The following CLTC variants were observed in gnomAD, a reference collection of about 807,000 sequenced individuals.
CLTC encodes the protein clathrin heavy chain.
In CLTC, 16 loss-of-function variants were observed where a neutral mutation model predicts 195.8. The observed-to-expected ratio is 0.08, with a 90% confidence interval of 0.06 to 0.12. The LOEUF (loss-of-function observed/expected upper bound fraction) is 0.12. Among genes scored for constraint, CLTC ranks in the 10% least tolerant of loss-of-function variants. The pLI is 1.00. For missense variants in CLTC, 796 were observed against 2,027.0 expected (o/e 0.39, Z 11.66); for synonymous variants, 667 against 689.4 (o/e 0.97, Z 0.51).
intron 2 of CLTC, chr17:59,646,130 T>G (rs1256141679): frequency 4.0e-6 from 1 of 251,098 alleles, no homozygotes; most frequent in Non-Finnish European, 6.3e-6. Flanking sequence ...TGTCCCTATA[T>G]GTCTGCACTA....
intron 9 of CLTC, 87 bp downstream of exon 9, chr17:59,664,081 T>C: frequency 9.0e-7 from 1 of 1,107,890 alleles, no homozygotes; most frequent in Non-Finnish European, 1.3e-6. Flanking sequence ...ATTACTTTAA[T>C]AGTGAATTTC....
intron 1 of CLTC, 68 bp downstream of exon 1, chr17:59,620,241 CTG>C (rs2031324121): frequency 6.4e-7 from 1 of 1,563,436 alleles, no homozygotes; most frequent in African/African-American, 1.4e-5. Context: ...ACGCTGGAGT[CTG>C]GGCCCGAGCA....
At chr17:59,658,752 C>T (rs1225184188) in intron 6 of CLTC, 1 of 152,168 alleles carries the variant, frequency 6.6e-6, no homozygotes, top group African/African-American at 2.4e-5. Context: ...CTAGAACAGT[C>T]TTTAAGTATG....
chr17:59,636,088 C>T lies in CLTC; in HGVS notation c.43-8188C>T, dbSNP rs538439317. On this transcript the variant is annotated intron_variant, in intron 1 of 31. Transcript: ENST00000269122. ...GGTGGAGGTTGCTGTGAGCCGAGAT[C>T]GTGCCATTGCACTCCAGCCTGGGCA... 4.6e-5 allele frequency among the ~76,000 whole-genome samples: 7 copies of T among 151,306 alleles called. No homozygotes were observed. In the East Asian group the frequency reaches 1.2e-3, roughly 25 times the overall value.
chr17:59,682,615 C>CTT lies in CLTC; in HGVS notation c.3601-6_3601-5dup. On this transcript the variant is annotated splice_polypyrimidine_tract_variant and intron_variant, in intron 22 of 31. Coordinates refer to ENST00000269122, the MANE Select transcript of CLTC (RefSeq NM_004859.4). This position sits in a 1 kb window ranked among gnomAD's most constrained non-coding sequence, Gnocchi z 6.8. ...TAATATCTTGCTGAATGTGGGTTAC[C>CTT]TTTTTTTTTCCAGGTTGGTGACCGT... is the stretch of plus-strand genomic sequence containing the variant. The CTT allele has an allele frequency of 6.2e-7, 1 of 1,601,708 alleles. No homozygotes were observed.
intron 30 of CLTC, among the ~76,000 whole-genome samples, chr17:59,686,694 T>G (rs79573891): frequency 1.3e-5 from 2 of 152,350 alleles, no homozygotes; most frequent in East Asian, 3.9e-4. Flanking sequence ...TAGATGAGAA[T>G]AGCTTCTTAA....
chr17:59,674,593 TAAAG>T (rs1382887848), intron 15 of CLTC, 104 bp from the exon 16 acceptor site: 7 of 1,054,668 alleles, frequency 6.6e-6, no homozygotes, highest in African/African-American at 4.9e-5. Flanking sequence ...AAACTGAACT[TAAAG>T]AAAAAAAAAC....
chr17:59,628,958 G>A (rs1220486834), intron 1 of CLTC, among the ~76,000 whole-genome samples: 1 of 151,982 alleles, frequency 6.6e-6, no homozygotes, highest in African/African-American at 2.4e-5. Context: ...CATCGTGCCT[G>A]GCCAACTTGC....
chr17:59,694,093 T>G lies in CLTC; in HGVS notation c.*241T>G, dbSNP rs970421675. ...GTTTCAATGTTTTATTCACTTGGGC[T>G]TTTTTTCTTCCCCCTCTTTCTTTAA... On this transcript the variant is annotated 3_prime_UTR_variant, in exon 32 of 32. Coordinates refer to ENST00000269122, the MANE Select transcript of CLTC (RefSeq NM_004859.4). The G allele has an allele frequency of 6.2e-6, 2 of 324,778 alleles. No homozygotes were observed. The highest frequency in any genetic ancestry group is 2.1e-5 in the African/African-American group (1 of 46,868). 20.1% of individuals were successfully genotyped at this position (324,778 alleles called of 1,614,324 possible).
chr17:59,672,158 A>G (rs1299800449), intron 14 of CLTC, among the ~76,000 whole-genome samples: 1 of 152,210 alleles, frequency 6.6e-6, no homozygotes, highest in African/African-American at 2.4e-5. Context: ...AGGTTAATTA[A>G]ACATTTAGTA....
In CLTC at chr17:59,655,833, G is replaced by A. The variant is rs745357007; in HGVS notation, c.796-21G>A. 15 of 1,508,090 alleles carry A rather than the reference G, an allele frequency of 9.9e-6. No individual in the cohort carries two copies. The African/African-American group carries it at 2.0e-4, about 20-fold the overall frequency. 93.4% of individuals were successfully genotyped at this position (1,508,090 alleles called of 1,614,324 possible). Reference sequence around the variant, plus strand: ...TTTGTAGATTCATTATTTTACTAAAGTGTTGATTTTCTTTCTGTAGATCAG... The same window carrying A: ...TTTGTAGATTCATTATTTTACTAAAATGTTGATTTTCTTTCTGTAGATCAG... On this transcript the variant is annotated intron_variant, in intron 5 of 31. Coordinates refer to ENST00000269122, the MANE Select transcript of CLTC (RefSeq NM_004859.4).
intron 6 of CLTC, among the ~76,000 whole-genome samples, chr17:59,659,496 G>A (rs1334627061): frequency 6.8e-6 from 1 of 147,700 alleles, no homozygotes; most frequent in African/African-American, 2.5e-5. Flanking sequence ...TGTTGCCCAG[G>A]CTGGAGTGCA....
intron 1 of CLTC, among the ~76,000 whole-genome samples, chr17:59,632,150 C>T (rs935198343): frequency 4.0e-5 from 6 of 151,784 alleles, no homozygotes; most frequent in East Asian, 1.9e-4. Context: ...GGGCGGATCA[C>T]GAGGTCAGGA....
intron 14 of CLTC, among the ~76,000 whole-genome samples, chr17:59,670,291 TTTTC>T (rs2032820021): frequency 7.8e-6 from 1 of 128,710 alleles, no homozygotes; most frequent in Non-Finnish European, 1.8e-5. Flanking sequence ...TTTTTTTTGT[TTTTC>T]TTTTTAAGCT....
chr17:59,682,194 G>A lies in CLTC; in HGVS notation c.3443-77G>A, dbSNP rs1273729183. On this transcript the variant is annotated intron_variant, in intron 21 of 31. Transcript: ENST00000269122. The surrounding 1 kb of genome is among the most constrained non-coding windows in gnomAD (Gnocchi z 6.8). The stretch of plus-strand genomic sequence containing the variant: ...ATGTTTCCTTGAAAAGGAAATGAAT[G>A]CAATTTTCATTTACTTGGGTGAAAG... 5 of 1,353,360 alleles carry A rather than the reference G, an allele frequency of 3.7e-6. No homozygotes were observed. 83.8% of individuals were successfully genotyped at this position (1,353,360 alleles called of 1,614,324 possible). A position where few individuals can be genotyped will look rare whatever the true frequency, so the allele number is the denominator to read the frequency against.
chr17:59,655,408 A>G (rs1010453005), intron 5 of CLTC, among the ~76,000 whole-genome samples: 2 of 152,234 alleles, frequency 1.3e-5, no homozygotes, highest in African/African-American at 4.8e-5. Context: ...CCACAGATCA[A>G]CATGACAGAT....
intron 16 of CLTC, among the ~76,000 whole-genome samples, chr17:59,676,440 A>T (rs998490358): frequency 3.3e-5 from 5 of 152,202 alleles, no homozygotes; most frequent in African/African-American, 1.2e-4. Context: ...TCACATCCCC[A>T]TCCTATCCAC....
At position 59,663,923 on chromosome 17, in the gene CLTC, G is replaced by A. The variant is rs748661028; in HGVS notation, c.1450G>A (p.Val484Ile). 19 of 1,613,824 alleles carry A rather than the reference G, an allele frequency of 1.2e-5. No individual in the cohort carries two copies. The highest frequency in any genetic ancestry group is 7.7e-5 in the South Asian group (7 of 91,062). The change falls in exon 9 of 32, where the codon GTC (valine) becomes ATC (isoleucine). Residue 484 changes from valine to isoleucine, a missense_variant. Coordinates refer to ENST00000269122, the MANE Select transcript of CLTC (RefSeq NM_004859.4). ...ACTTAGTGTGTACCTAAGGGCTAAC[G>A]TCCCAAATAAAGTCATTCAGTGCTT... The part of the protein sequence containing the change: ...LALSVYLRAN[V>I]PNKVIQCFAE...
Position 59,679,529 on chromosome 17 carries a change from G to A in CLTC, c.2919+10G>A, listed in dbSNP as rs1253398350. ...ACCCCTAATTGACCAGGTAACATTG[G>A]CAAATGTGTTTATGGCTGTCAGTAA... On this transcript the variant is annotated intron_variant, in intron 18 of 31. Coordinates refer to ENST00000269122, the MANE Select transcript of CLTC (RefSeq NM_004859.4). 1.9e-6 allele frequency: 3 copies of A among 1,572,320 alleles called. No individual in the cohort carries two copies. The highest frequency in any genetic ancestry group is 2.3e-5 in the East Asian group (1 of 43,834).
Sources: gnomAD v4.1 joint callset for allele counts (sites outside exome capture counted in the v4.1 genomes callset) on GRCh38, gnomAD v4.1.1 for gene constraint, Gnocchi (gnomAD v3.1) non-coding constraint, MANE v1.5 for transcripts, NCBI Gene and HGNC (gene_info 2026-07-23, HGNC 2026-07-21) for gene names.